Variants in TONSL observed in about 807,000 individuals in gnomAD.
TONSL encodes the protein tonsoku-like protein.
Under a neutral mutation model 147.1 loss-of-function variants are expected in TONSL, and 112 were observed. The ratio of observed to expected loss-of-function variants is 0.76; its 90% confidence interval spans 0.65 to 0.89. The LOEUF is 0.89. TONSL is among the 40% of genes least tolerant of loss of function. The probability of loss-of-function intolerance (pLI) is 0.00; values close to 1 mark genes in which losing one functional copy is unlikely to be tolerated. For synonymous variants in TONSL, 868 were observed against 801.5 expected, an observed-to-expected ratio of 1.08 and a Z score of -1.40; for missense variants, 1,883 against 1,864.6, an observed-to-expected ratio of 1.01 and a Z score of -0.18.
In TONSL at chr8:144,436,759, T is replaced by C; in HGVS notation, c.1888A>G (p.Lys630Glu). The C allele has an allele frequency of 6.2e-7, 1 of 1,610,762 alleles. No homozygotes were observed. The highest frequency in any genetic ancestry group is 8.5e-7 in the Non-Finnish European group (1 of 1,179,370). ...GCCCTCTGCCCCACCAGGCTCACCTTTCGAGTGCGGAGGGTGACGGACGCC... is the reference window on the plus strand; with the variant it reads ...GCCCTCTGCCCCACCAGGCTCACCTCTCGAGTGCGGAGGGTGACGGACGCC... ...RGASVTLRTR[K>E]GLSPLETLQQ... The change falls in exon 15 of 26, where the codon AAG (lysine) becomes GAG (glutamate). Residue 630 changes from lysine to glutamate, a missense_variant and splice_region_variant. Transcript: ENST00000409379.
chr8:144,435,135 T>C lies in TONSL; in HGVS notation c.2888A>G (p.Gln963Arg). Residue 963 changes from glutamine to arginine, a missense_variant, in exon 19 of 26, where the codon CAG becomes CGG. Transcript: ENST00000409379. ...DTHSVAWLAE[Q>R]AAQRYYQTCG... ...GGTCTGGTAGTAGCGCTGGGCCGCC[T>C]GCTCGGCCAGCCAGGCCACAGAGTG... is the stretch of plus-strand genomic sequence containing the variant. 6.4e-7 allele frequency: 1 copy of C among 1,573,840 alleles called. No individual in the cohort carries two copies. The highest frequency in any genetic ancestry group is 1.1e-5 in the South Asian group (1 of 87,438).
At position 144,442,749 on chromosome 8, in the gene TONSL, C is replaced by A; in HGVS notation, c.506G>T (p.Gly169Val). 3 of 1,613,112 alleles carry A rather than the reference C, an allele frequency of 1.9e-6. No individual in the cohort carries two copies. The highest frequency in any genetic ancestry group is 2.5e-6 in the Non-Finnish European group (3 of 1,179,970). Residue 169 changes from glycine to valine, a missense_variant, in exon 5 of 26, where the codon GGC (glycine) becomes GTC (valine). Gly to Val is a moderately radical substitution (Grantham distance 109). Coordinates refer to ENST00000409379, the MANE Select transcript of TONSL (RefSeq NM_013432.5). ...CTGCTGCAGGCTCTCAAAGGTGAGGCCCAGGTTGAGATAGAGGCGGGTCCT... is the reference window on the plus strand; with the variant it reads ...CTGCTGCAGGCTCTCAAAGGTGAGGACCAGGTTGAGATAGAGGCGGGTCCT... Reference protein sequence around the residue: ...EMRTRLYLNLGLTFESLQQTA... With the variant: ...EMRTRLYLNLVLTFESLQQTA...
chr8:144,433,632 C>T lies in TONSL; in HGVS notation c.3515G>A (p.Ser1172Asn), dbSNP rs200834102. The change falls in exon 22 of 26, where the codon AGC becomes AAC. Residue 1172 changes from serine to asparagine, a missense_variant. Physicochemically the swap from Ser to Asn is conservative, Grantham distance 46 (BLOSUM62 1). Transcript: ENST00000409379. ...LRLQACGFGP[S>N]FFLSHQTALG... Reference sequence around the variant, plus strand: ...TGCTGTCTGGTGGCTCAGAAAGAAGCTGGGGCCGAAGCCACACGCCTGCAG... The same window carrying T: ...TGCTGTCTGGTGGCTCAGAAAGAAGTTGGGGCCGAAGCCACACGCCTGCAG... 1.9e-6 allele frequency: 3 copies of T among 1,613,408 alleles called. No homozygotes were observed. In the South Asian group the frequency reaches 3.3e-5, roughly 18 times the overall value.
intron 25 of TONSL, among the ~76,000 whole-genome samples, 185 bp from the exon 26 acceptor site, chr8:144,429,521 A>G (rs948157784): frequency 2.5e-4 from 38 of 152,214 alleles, no homozygotes; most frequent in African/African-American, 9.2e-4. Flanking sequence ...CTGCACAGCC[A>G]GCGGTCAGAC....
Position 144,442,656 on chromosome 8 carries a change from TG to T in TONSL, c.578+20del. 1 of 1,608,182 alleles carries T rather than the reference TG, an allele frequency of 6.2e-7. No homozygotes were observed. The highest frequency in any genetic ancestry group is 8.5e-7 in the Non-Finnish European group (1 of 1,177,636). ...AGGAACAAGGGACTCCACTCCCTCC[TG>T]GGGCGGGGCAGGGCCTTACTCCGCA... is the stretch of plus-strand genomic sequence containing the variant. On this transcript the variant is annotated intron_variant, in intron 5 of 25. Coordinates refer to ENST00000409379, the MANE Select transcript of TONSL (RefSeq NM_013432.5).
chr8:144,436,619 C>T lies in TONSL; in HGVS notation c.1953G>A (p.Leu651=). The change falls in exon 16 of 26, where the codon CTG becomes CTA. Residue 651 remains leucine, a synonymous_variant. Coordinates refer to ENST00000409379, the MANE Select transcript of TONSL (RefSeq NM_013432.5). Reference sequence around the variant, plus strand: ...TGGCCCTGGCCTTCTGCCGCGTCTCCAGGTCCAGGTCCCTGCGGTACAGCT... The same window carrying T: ...TGGCCCTGGCCTTCTGCCGCGTCTCTAGGTCCAGGTCCCTGCGGTACAGCT... ...WVKLYRRDLD[L]ETRQKARAME... is the part of the protein sequence containing the mutation. 1 of 1,612,102 alleles carries T rather than the reference C, an allele frequency of 6.2e-7. No individual in the cohort carries two copies. The highest frequency in any genetic ancestry group is 8.5e-7 in the Non-Finnish European group (1 of 1,179,944).
rs1248398706 is a variant in TONSL at position 144,438,723 on chromosome 8, T to G, written c.1493A>C (p.Asp498Ala). The G allele has an allele frequency of 1.2e-6, 2 of 1,612,930 alleles. No homozygotes were observed. Among genetic ancestry groups the G allele is most frequent in the African/African-American group, 2.7e-5 (2 of 74,870 alleles). The change falls in exon 12 of 26, where the codon GAT (aspartate) becomes GCT (alanine). Residue 498 changes from aspartate to alanine, a missense_variant. By Grantham distance (126) the Asp-to-Ala change is moderately radical. Transcript: ENST00000409379. Reference sequence around the variant, plus strand: ...CTCCTCCAGCTGCGGGGTCAGGCCATCGGTGTCGTCCTCTGGAACAGAGCC... The same window carrying G: ...CTCCTCCAGCTGCGGGGTCAGGCCAGCGGTGTCGTCCTCTGGAACAGAGCC... ...VELSEGEDDTDGLTPQLEEDE... is the reference protein window; with the variant it reads ...VELSEGEDDTAGLTPQLEEDE...
In TONSL at chr8:144,442,672, C is replaced by G. The variant is rs749979091; in HGVS notation, c.578+5G>C. 1.2e-6 allele frequency: 2 copies of G among 1,612,040 alleles called. No homozygotes were observed. Among genetic ancestry groups the G allele is most frequent in the Non-Finnish European group, 1.7e-6 (2 of 1,179,520 alleles). On this transcript the variant is annotated splice_donor_5th_base_variant and intron_variant, in intron 5 of 25. Coordinates refer to ENST00000409379, the MANE Select transcript of TONSL (RefSeq NM_013432.5). ...ACTCCCTCCTGGGGCGGGGCAGGGC[C>G]TTACTCCGCAAGGAAGATGCTCTTC...
chr8:144,435,750 GC>G lies in TONSL; in HGVS notation c.2682del (p.Ser896AlafsTer112), dbSNP rs1475208258. On this transcript the variant is annotated frameshift_variant, in exon 17 of 26. Transcript: ENST00000409379. LOFTEE classifies it high-confidence loss of function. ...GGAGGTTCTGAAGCCAGGCTGCTGG[GC>G]CCTGCGTTAACTGGCGCACTGCAAC... ...MQSCSAPVNA[G>X]PSSLASEPPG... is the part of the protein sequence containing the mutation. 1 of 1,612,890 alleles carries G rather than the reference GC, an allele frequency of 6.2e-7. No homozygotes were observed. Among genetic ancestry groups the G allele is most frequent in the South Asian group, 1.1e-5 (1 of 91,090 alleles).
rs567826472 is a variant in TONSL at position 144,436,911 on chromosome 8, C to T, written c.1736G>A (p.Arg579His). The T allele has an allele frequency of 3.4e-4, 546 of 1,608,364 alleles. 6 individuals carry two copies. The South Asian group carries it at 5.5e-3, about 16-fold the overall frequency. ...ACNYGHLEIVRFLLDHGAAVD... is the reference protein window; with the variant it reads ...ACNYGHLEIVHFLLDHGAAVD... Reference sequence around the variant, plus strand: ...TGCGGCCCCGTGGTCCAGCAGGAAGCGGACAATTTCTGCAGACCAGGAGAC... The same window carrying T: ...TGCGGCCCCGTGGTCCAGCAGGAAGTGGACAATTTCTGCAGACCAGGAGAC... Residue 579 changes from arginine (R) to histidine (H), a missense_variant, in exon 15 of 26, where the codon CGC becomes CAC. Transcript: ENST00000409379.
Position 144,432,737 on chromosome 8 carries a change from G to C in TONSL, c.3560-277C>G, listed in dbSNP as rs1456464834. ...TGGGCCACATGCCTCTGCACAGTGGGGGTGCCAGGGGAGTGCACTGACCAT... is the reference window on the plus strand; with the variant it reads ...TGGGCCACATGCCTCTGCACAGTGGCGGTGCCAGGGGAGTGCACTGACCAT... On this transcript the variant is annotated intron_variant, in intron 22 of 25. Coordinates refer to ENST00000409379, the MANE Select transcript of TONSL (RefSeq NM_013432.5). The C allele has an allele frequency of 1.2e-5, 4 of 325,002 alleles. No homozygotes were observed. In the East Asian group the frequency reaches 1.5e-4, roughly 12 times the overall value. 20.1% of individuals were successfully genotyped at this position (325,002 alleles called of 1,614,324 possible).
Position 144,434,182 on chromosome 8 carries a change from G to A in TONSL, c.3183C>T (p.Pro1061=). The A allele has an allele frequency of 1.9e-6, 3 of 1,602,094 alleles. No homozygotes were observed. Among genetic ancestry groups the A allele is most frequent in the Non-Finnish European group, 1.7e-6 (2 of 1,172,806 alleles). The change falls in exon 21 of 26, where the codon CCC becomes CCT. Residue 1061 remains proline (P), a synonymous_variant. Coordinates refer to ENST00000409379, the MANE Select transcript of TONSL (RefSeq NM_013432.5). ...TGTGCAGCTTGAGGGCCCGCAGCAG[G>A]GGTGTAAGCTGGGCCTGGTCCAGGG... ...SLALDQAQLT[P]LLRALKLHTA...
chr8:144,441,708 T>C, intron 7 of TONSL: 1 of 302,774 alleles, frequency 3.3e-6, no homozygotes. Context: ...TGCCATCTCC[T>C]CTCCCACCCT....
At position 144,441,010 on chromosome 8, in the gene TONSL, TG is replaced by T. The variant is rs1194040776; in HGVS notation, c.966del (p.Lys323ArgfsTer43). ...GCTGCCCTGGGAAAGTCTCCTGCCT[TG>T]GAGAAGAGGTCCCCTAGCTGCTCAC... ...VICEQLGDLF[S>X]KAGDFPRAAE... On this transcript the variant is annotated frameshift_variant, in exon 8 of 26. Coordinates refer to ENST00000409379, the MANE Select transcript of TONSL (RefSeq NM_013432.5). LOFTEE classifies it high-confidence loss of function. 6.2e-7 allele frequency: 1 copy of T among 1,613,132 alleles called. No individual in the cohort carries two copies. Among genetic ancestry groups the T allele is most frequent in the Non-Finnish European group, 8.5e-7 (1 of 1,179,978 alleles).
At chr8:144,429,369 GC>G (rs1176255059) in intron 25 of TONSL, 33 bp from the exon 26 acceptor site, 15 of 1,364,820 alleles carry the variant, frequency 1.1e-5, no homozygotes, top group Non-Finnish European at 1.4e-5. Flanking sequence ...CCTCAGCGCT[GC>G]GGGGGCCGGC....
At chr8:144,443,024 T>C (rs1823778563) in intron 4 of TONSL, 114 bp downstream of exon 4, 1 of 1,346,336 alleles carries the variant, frequency 7.4e-7, no homozygotes, top group Non-Finnish European at 1.0e-6. Context: ...ACAAGAGCCT[T>C]GCAAAGGGAG....
At chr8:144,434,992 G>A in intron 19 of TONSL, 25 bp downstream of exon 19, 1 of 1,611,774 alleles carries the variant, frequency 6.2e-7, no homozygotes, top group Non-Finnish European at 8.5e-7. Context: ...TGAGGCCCTG[G>A]CTCCCCCTCC....
At chr8:144,434,451 C>T (rs1344412294) in intron 20 of TONSL, among the ~76,000 whole-genome samples, 172 bp from the exon 21 acceptor site, 2 of 152,064 alleles carry the variant, frequency 1.3e-5, no homozygotes, top group African/African-American at 2.4e-5. Context: ...CCCTGGGGGC[C>T]GGGGTGGGTC....
intron 3 of TONSL, among the ~76,000 whole-genome samples, chr8:144,443,564 G>C (rs996302003): frequency 4.6e-5 from 7 of 152,256 alleles, no homozygotes; most frequent in African/African-American, 1.7e-4. Context: ...GAGTTGGCGG[G>C]GGGGTTGCAG....
Sources: gnomAD v4.1 joint callset for allele counts (sites outside exome capture counted in the v4.1 genomes callset) on GRCh38, gnomAD v4.1.1 for gene constraint, MANE v1.5 for transcripts, NCBI Gene and HGNC (gene_info 2026-07-23, HGNC 2026-07-21) for gene names.